ANKRD62: variants seen among roughly 807,000 people sequenced by gnomAD.
ANKRD62 encodes the protein ankyrin repeat domain 62.
Under a neutral mutation model 98.8 loss-of-function variants are expected in ANKRD62, and 61 were observed. That is an observed-to-expected ratio of 0.62 (90% CI 0.50 to 0.76). ANKRD62 has a LOEUF of 0.76. Ranked by LOEUF, ANKRD62 falls within the 30% of genes least tolerant of loss-of-function variation. The pLI, the probability that ANKRD62 is intolerant of heterozygous loss-of-function variation, is 0.00. For synonymous variants in ANKRD62, 341 were observed against 367.9 expected (o/e 0.93, Z 0.84); for missense variants, 933 against 1,082.9 (o/e 0.86, Z 1.94).
chr18:12,160,876 A>G, the ANKRD62 span, among the ~76,000 whole-genome samples: 3 of 152,166 alleles, frequency 2.0e-5, no homozygotes, highest in Admixed American at 6.6e-5. Context: ...ACATCGCCTC[A>G]GTGCCATAGG....
rs1463886968 is a variant in ANKRD62, at chr18:12,107,455, G to T, written c.1052G>T (p.Gly351Val). 2 of 1,502,686 alleles carry T rather than the reference G, an allele frequency of 1.3e-6. No individual in the cohort carries two copies. The highest frequency in any genetic ancestry group is 1.8e-6 in the Non-Finnish European group (2 of 1,131,088). 93.1% of individuals were successfully genotyped at this position (1,502,686 alleles called of 1,614,324 possible). ...DNHQSPGKEN[G>V]EFDRLARKTS... ...CATCAATCTCCTGGGAAGGAGAATG[G>T]CGAGTTTGATAGGTAATCCTGTAGC... Residue 351 changes from glycine (G) to valine (V), a missense_variant, in exon 8 of 14, where the codon GGC becomes GTC. By Grantham distance (109) the Gly-to-Val change is moderately radical. This residue lies in a region of ANKRD62 where 549 missense variants were observed against 587.9 expected (regional missense o/e 0.93). Coordinates refer to ENST00000587848, the MANE Select transcript of ANKRD62 (RefSeq NM_001277333.2).
At chr18:12,094,260 G>A (rs1416008682) in intron 1 of ANKRD62, 25 bp downstream of exon 1, 19 of 1,508,482 alleles carry the variant, frequency 1.3e-5, no homozygotes, top group Non-Finnish European at 1.7e-5. Flanking sequence ...AAGCCGGGAG[G>A]AGGCCTGGGG....
At chr18:12,180,958 G>T in the ANKRD62 span, among the ~76,000 whole-genome samples, 1 of 135,180 alleles carries the variant, frequency 7.4e-6, no homozygotes, top group African/African-American at 2.8e-5. Flanking sequence ...CCTCACAACA[G>T]GCCCCAGTGT....
intron 1 of ANKRD62, among the ~76,000 whole-genome samples, chr18:12,094,748 T>C (rs1255185955): frequency 3.7e-5 from 1 of 26,868 alleles, no homozygotes; most frequent in Admixed American, 4.9e-4. Flanking sequence ...GGAAGTGGAG[T>C]TGGGTGGGGG....
chr18:12,174,782 T>C, the ANKRD62 span, among the ~76,000 whole-genome samples: 5 of 152,230 alleles, frequency 3.3e-5, no homozygotes, highest in African/African-American at 9.6e-5. Context: ...AGCTCCCAAC[T>C]CCTGAACTAC....
At chr18:12,140,015 G>C in the ANKRD62 span, among the ~76,000 whole-genome samples, 4 of 152,098 alleles carry the variant, frequency 2.6e-5, no homozygotes, top group African/African-American at 7.2e-5. Context: ...TTTTCACATA[G>C]TCCCATATTT....
the ANKRD62 span, among the ~76,000 whole-genome samples, chr18:12,141,001 C>T: frequency 2.6e-5 from 4 of 152,358 alleles, no homozygotes; most frequent in African/African-American, 9.6e-5. Context: ...GTGGGCTCCA[C>T]CCAGTTCGAG....
Position 12,125,512 on chromosome 18 carries a change from T to A in ANKRD62, c.1691T>A (p.Met564Lys). ...ERDLWQENHLMRDEIARLRLE... is the reference protein window; with the variant it reads ...ERDLWQENHLKRDEIARLRLE... ...GACCTGTGGCAGGAAAATCACTTGA[T>A]GCGGGATGAAATTGCCAGACTCAGG... is the stretch of plus-strand genomic sequence containing the variant. The change falls in exon 13 of 14, where the codon ATG becomes AAG. Residue 564 changes from methionine (M) to lysine (K), a missense_variant. Physicochemically the swap from Met to Lys is moderately conservative, Grantham distance 95. Coordinates refer to ENST00000587848, the MANE Select transcript of ANKRD62 (RefSeq NM_001277333.2). The A allele has an allele frequency of 6.7e-7, 1 of 1,499,456 alleles. No individual in the cohort carries two copies. Among genetic ancestry groups the A allele is most frequent in the Non-Finnish European group, 8.8e-7 (1 of 1,135,056 alleles). The allele number at this position is 1,499,456 out of a possible 1,614,324, so 92.9% of individuals were successfully genotyped here.
chr18:12,097,818 A>G (rs1168097409), intron 5 of ANKRD62, 41 bp downstream of exon 5: 12 of 1,528,330 alleles, frequency 7.9e-6, no homozygotes, highest in South Asian at 1.2e-5. Flanking sequence ...ATTGAGGTTT[A>G]AAGTCATTGT....
intron 12 of ANKRD62, 89 bp from the exon 13 acceptor site, chr18:12,125,371 G>T: frequency 8.2e-7 from 1 of 1,225,966 alleles, no homozygotes; most frequent in Non-Finnish European, 1.1e-6. Context: ...TTGTATAAAC[G>T]TACAGGTTAT....
chr18:12,172,529 G>A, the ANKRD62 span, among the ~76,000 whole-genome samples: 4 of 152,136 alleles, frequency 2.6e-5, no homozygotes, highest in East Asian at 1.9e-4. Flanking sequence ...GGTGTCAGTC[G>A]GCCCCTACTG....
intron 8 of ANKRD62, among the ~76,000 whole-genome samples, chr18:12,112,971 C>CT (rs1202910369): frequency 8.5e-5 from 13 of 152,294 alleles, no homozygotes; most frequent in African/African-American, 2.9e-4. Flanking sequence ...TCTCCACTCA[C>CT]TGCAACCTCC....
Position 12,125,843 on chromosome 18 carries a change from A to T in ANKRD62, c.2022A>T (p.Lys674Asn), listed in dbSNP as rs1417077721. The T allele has an allele frequency of 1.7e-5, 26 of 1,548,840 alleles. No homozygotes were observed. The highest frequency in any genetic ancestry group is 2.1e-5 in the Non-Finnish European group (24 of 1,147,418). ...ATCATGATCAACGTCAGTCATCAAA[A>T]AGAGACCTACAGCTTGCTTTCCAGA... The part of the protein sequence containing the change: ...LCDHDQRQSS[K>N]RDLQLAFQST... The change falls in exon 13 of 14, where the codon AAA (lysine) becomes AAT (asparagine). Residue 674 changes from lysine to asparagine, a missense_variant. By Grantham distance (94) the Lys-to-Asn change is moderately conservative. Transcript: ENST00000587848.
the ANKRD62 span, among the ~76,000 whole-genome samples, chr18:12,172,616 G>T: frequency 1.3e-5 from 2 of 152,188 alleles, no homozygotes; most frequent in African/African-American, 2.4e-5. Context: ...TCAGATCCGT[G>T]CTGGGAGAAC....
At chr18:12,170,932 A>G in the ANKRD62 span, among the ~76,000 whole-genome samples, 1 of 145,136 alleles carries the variant, frequency 6.9e-6, no homozygotes, top group African/African-American at 2.5e-5. Context: ...AGTCTGTTTT[A>G]TCAGAGACTA....
chr18:12,180,856 C>CAT, the ANKRD62 span, among the ~76,000 whole-genome samples: 107 of 147,902 alleles, frequency 7.2e-4, no homozygotes, highest in African/African-American at 2.5e-3. Context: ...AGGTTTGTTA[C>CAT]ATATATATAC....
At chr18:12,111,559 G>A (rs1359716700) in intron 8 of ANKRD62, among the ~76,000 whole-genome samples, 1 of 152,108 alleles carries the variant, frequency 6.6e-6, no homozygotes, top group Non-Finnish European at 1.5e-5. Context: ...TCTGGCCAGG[G>A]TAATCCATCA....
intron 8 of ANKRD62, among the ~76,000 whole-genome samples, chr18:12,114,388 T>C (rs553486896): frequency 2.0e-5 from 3 of 152,362 alleles, no homozygotes; most frequent in African/African-American, 7.2e-5. Context: ...ATTCATCTGC[T>C]ATCATATTAC....
the ANKRD62 span, among the ~76,000 whole-genome samples, chr18:12,138,312 T>A: frequency 6.6e-6 from 1 of 152,260 alleles, no homozygotes; most frequent in Non-Finnish European, 1.5e-5. Context: ...TACCCAGTAG[T>A]CATTCAGGAG....
Sources: gnomAD v4.1 joint callset for allele counts (sites outside exome capture counted in the v4.1 genomes callset) on GRCh38, gnomAD v4.1.1 for gene constraint, gnomAD v4.1.1 regional missense constraint, MANE v1.5 for transcripts, NCBI Gene and HGNC (gene_info 2026-07-23, HGNC 2026-07-21) for gene names.